Variants in MYO16 observed in about 807,000 individuals in gnomAD.
The protein encoded by MYO16 is unconventional myosin-XVI.
In MYO16, 94 loss-of-function variants were observed where a neutral mutation model predicts 205.3. The observed-to-expected ratio is 0.46, with a 90% CI of 0.39 to 0.54. The LOEUF is 0.54. Ranked by LOEUF, MYO16 falls within the 20% of genes least tolerant of loss-of-function variation. The pLI, the probability that MYO16 is intolerant of heterozygous loss-of-function variation, is 0.00. For missense variants in MYO16, 2,315 were observed against 2,387.5 expected (o/e 0.97, Z 0.63); for synonymous variants, 988 against 954.0 (o/e 1.04, Z -0.66).
intron 1 of MYO16, among the ~76,000 whole-genome samples, chr13:108,646,057 C>T (rs763989902): frequency 6.6e-6 from 1 of 152,156 alleles, no homozygotes; most frequent in Admixed American, 6.5e-5. Flanking sequence ...GTAGGTGACC[C>T]CTGTCCTCTG....
chr13:109,015,356 A>C (rs748028527), intron 22 of MYO16, among the ~76,000 whole-genome samples: 1 of 152,096 alleles, frequency 6.6e-6, no homozygotes, highest in Admixed American at 6.6e-5. Context: ...CTGCTGGATT[A>C]GGTTTGCCAG....
intron 13 of MYO16, among the ~76,000 whole-genome samples, chr13:108,885,456 A>C (rs2139172774): frequency 6.6e-6 from 1 of 152,068 alleles, no homozygotes; most frequent in Middle Eastern, 3.4e-3. Context: ...AGGCGCAGAG[A>C]TGGGGGCTTC....
At chr13:108,907,012 G>A (rs546870917) in intron 15 of MYO16, among the ~76,000 whole-genome samples, 1 of 152,298 alleles carries the variant, frequency 6.6e-6, no homozygotes, top group South Asian at 2.1e-4. Flanking sequence ...TTGATAGTAT[G>A]TTTTTGGTGC....
At chr13:108,527,795 G>T in the MYO16 span, among the ~76,000 whole-genome samples, 406 of 152,234 alleles carry the variant, frequency 2.7e-3, 2 homozygotes, top group African/African-American at 9.0e-3. Context: ...AACTCTGTTT[G>T]TTTTGCCTAC....
intron 1 of MYO16, among the ~76,000 whole-genome samples, chr13:108,639,180 G>A (rs573580942): frequency 1.3e-5 from 2 of 152,226 alleles, no homozygotes; most frequent in East Asian, 1.9e-4. Context: ...GATTAAAGGA[G>A]AGACTGAAAA....
intron 32 of MYO16, among the ~76,000 whole-genome samples, chr13:109,164,433 G>A (rs975325032): frequency 6.6e-5 from 10 of 152,190 alleles, no homozygotes; most frequent in African/African-American, 2.4e-4. Flanking sequence ...GAGTATTGAA[G>A]TTCAGTATTC....
the MYO16 span, among the ~76,000 whole-genome samples, chr13:108,531,817 G>C: frequency 1.3e-5 from 2 of 152,016 alleles, no homozygotes; most frequent in Non-Finnish European, 2.9e-5. Flanking sequence ...GAGAAAGACT[G>C]GTTCTAGACA....
intron 1 of MYO16, among the ~76,000 whole-genome samples, chr13:108,633,520 CT>C (rs758047268): frequency 1.8e-4 from 28 of 152,190 alleles, no homozygotes; most frequent in Non-Finnish European, 3.7e-4. Context: ...TGCTTTTATC[CT>C]AGCTGCACTG....
intron 4 of MYO16, among the ~76,000 whole-genome samples, chr13:108,739,067 C>A (rs562653689): frequency 5.4e-4 from 83 of 152,306 alleles, no homozygotes; most frequent in Non-Finnish European, 9.0e-4. Context: ...ATACAGCACA[C>A]TGATGGGTCT....
At chr13:108,744,842 G>A (rs1885011387) in intron 4 of MYO16, among the ~76,000 whole-genome samples, 1 of 152,156 alleles carries the variant, frequency 6.6e-6, no homozygotes, top group Non-Finnish European at 1.5e-5. Flanking sequence ...TTGAAGACAA[G>A]AGCCTTTTGG....
chr13:108,629,930 G>A, intron 1 of MYO16, 58 bp downstream of exon 1: 1 of 1,459,156 alleles, frequency 6.9e-7, no homozygotes, highest in East Asian at 2.5e-5. Context: ...GTATTATTTT[G>A]TGCAGATGCC....
chr13:108,559,809 A>G, the MYO16 span, among the ~76,000 whole-genome samples: 468 of 152,198 alleles, frequency 3.1e-3, 7 homozygotes, highest in South Asian at 0.05. Flanking sequence ...AACTCATGCA[A>G]GTGCACAATC....
chr13:108,560,772 A>G, the MYO16 span, among the ~76,000 whole-genome samples: 1 of 152,192 alleles, frequency 6.6e-6, no homozygotes, highest in African/African-American at 2.4e-5. Flanking sequence ...TATAAATTAC[A>G]TTTTGCATTG....
chr13:108,950,362 A>G (rs1275911435), intron 16 of MYO16, among the ~76,000 whole-genome samples: 1 of 152,252 alleles, frequency 6.6e-6, no homozygotes, highest in Non-Finnish European at 1.5e-5. Flanking sequence ...GTTCTAGTCC[A>G]ATTAGAAATG....
chr13:108,589,083 G>A, the MYO16 span, among the ~76,000 whole-genome samples: 1 of 152,220 alleles, frequency 6.6e-6, no homozygotes, highest in Non-Finnish European at 1.5e-5. Context: ...AAGGTGAGCT[G>A]AGAGCAGTGG....
At chr13:109,150,627 A>C (rs921490380) in intron 32 of MYO16, among the ~76,000 whole-genome samples, 7 of 152,258 alleles carry the variant, frequency 4.6e-5, no homozygotes, top group Non-Finnish European at 8.8e-5. Context: ...ACCAAATGCA[A>C]CAAAGAAGCC....
intron 16 of MYO16, among the ~76,000 whole-genome samples, chr13:108,945,429 T>C (rs1056552366): frequency 6.6e-6 from 1 of 152,208 alleles, no homozygotes; most frequent in Admixed American, 6.5e-5. Flanking sequence ...ATTGAAAATA[T>C]GTAGCATATA....
intron 16 of MYO16, among the ~76,000 whole-genome samples, chr13:108,924,828 T>TG (rs11371635): frequency 0.99 from 150,889 of 152,268 alleles, 74,777 homozygotes; most frequent in Middle Eastern, 1. Context: ...TAACGTCTGT[T>TG]GCCGCACCCT....
intron 23 of MYO16, among the ~76,000 whole-genome samples, chr13:109,022,214 ATATT>A (rs1311907816): frequency 3.0e-5 from 4 of 133,986 alleles, no homozygotes; most frequent in African/African-American, 8.9e-5. Context: ...TATAATTTTT[ATATT>A]TATATATTAT....
Sources: allele counts gnomAD v4.1 joint callset (sites outside exome capture counted in the v4.1 genomes callset), GRCh38; gene constraint gnomAD v4.1.1; transcripts MANE v1.5; gene names NCBI Gene and HGNC (gene_info 2026-07-23, HGNC 2026-07-21).